Variants in LRRTM4 observed in about 807,000 individuals in gnomAD.
LRRTM4 encodes the protein leucine-rich repeat transmembrane neuronal protein 4.
A neutral mutation model predicts 47.6 loss-of-function variants in LRRTM4; 25 were observed. The observed-to-expected ratio is 0.53, with a 90% CI of 0.38 to 0.73. The LOEUF is 0.73. Ranked by LOEUF, LRRTM4 falls within the 30% of genes least tolerant of loss-of-function variation. LRRTM4 has a pLI of 0.00. For missense variants in LRRTM4, 638 were observed against 713.4 expected, an observed-to-expected ratio of 0.89 and a Z score of 1.20; for synonymous variants, 311 against 269.5, an observed-to-expected ratio of 1.15 and a Z score of -1.51.
intron 3 of LRRTM4, among the ~76,000 whole-genome samples, chr2:77,428,354 C>A (rs1038530270): frequency 2.6e-5 from 4 of 152,164 alleles, no homozygotes; most frequent in Non-Finnish European, 4.4e-5. Context: ...TTAACACACA[C>A]AAAAATCAGA....
chr2:77,367,292 T>A (rs1289820978), intron 3 of LRRTM4, among the ~76,000 whole-genome samples: 1 of 151,428 alleles, frequency 6.6e-6, no homozygotes, highest in Non-Finnish European at 1.5e-5. Flanking sequence ...TTGATTTTTT[T>A]AATGTCACTT....
intron 3 of LRRTM4, among the ~76,000 whole-genome samples, chr2:77,179,299 T>C (rs1056470165): frequency 1.3e-5 from 2 of 152,160 alleles, no homozygotes; most frequent in African/African-American, 2.4e-5. Flanking sequence ...CTAGGATCAC[T>C]CCATTTTAGG....
chr2:77,369,106 CT>C (rs1374691532), intron 3 of LRRTM4, among the ~76,000 whole-genome samples: 2 of 151,602 alleles, frequency 1.3e-5, no homozygotes, highest in Non-Finnish European at 3.0e-5. Flanking sequence ...TGTTGACCAC[CT>C]TTTTATGTAC....
intron 3 of LRRTM4, among the ~76,000 whole-genome samples, chr2:76,835,538 AAT>A (rs1671484868): frequency 6.6e-6 from 1 of 152,076 alleles, no homozygotes; most frequent in South Asian, 2.1e-4. Flanking sequence ...GAGTTGTAAT[AAT>A]ATATTCAGCT....
chr2:77,325,932 A>C (rs866941314), intron 3 of LRRTM4, among the ~76,000 whole-genome samples: 100 of 152,260 alleles, frequency 6.6e-4, no homozygotes, highest in African/African-American at 2.3e-3. Context: ...CAAGAAGGCT[A>C]CTCTTAGCTT....
In LRRTM4 at chr2:76,941,568, G is replaced by A. The variant is rs184539883; in HGVS notation, c.1552-192652C>T. Among the ~76,000 whole-genome samples, 510 of 149,074 alleles carry A rather than the reference G, an allele frequency of 3.4e-3. 6 individuals carry two copies. Among genetic ancestry groups the A allele is most frequent in the Non-Finnish European group, 2.4e-3 (161 of 67,538 alleles). The stretch of plus-strand genomic sequence containing the variant: ...TTATGAGTGAGAACATGCGATTTTT[G>A]GTTTTTTGTTCCTGTTTTAGTTTGT... On this transcript the variant is annotated intron_variant, in intron 3 of 3. Transcript: ENST00000409884.
chr2:77,062,955 CTTTT>C (rs10706500), intron 3 of LRRTM4, among the ~76,000 whole-genome samples: 3 of 108,370 alleles, frequency 2.8e-5, no homozygotes, highest in Non-Finnish European at 1.9e-5. Context: ...TTATTATTAT[CTTTT>C]TTTTTTTTTT....
intron 3 of LRRTM4, among the ~76,000 whole-genome samples, chr2:77,112,742 C>G (rs183823856): frequency 6.6e-6 from 1 of 152,022 alleles, no homozygotes; most frequent in Admixed American, 6.6e-5. Context: ...AAGGATCAGT[C>G]GAGCCAGTTT....
chr2:76,967,842 T>A (rs1219051607), intron 3 of LRRTM4, among the ~76,000 whole-genome samples: 1 of 151,528 alleles, frequency 6.6e-6, no homozygotes, highest in African/African-American at 2.4e-5. Context: ...AACTTGTAAA[T>A]ACTCATGCTA....
At chr2:77,007,282 AAG>A (rs1297445077) in intron 3 of LRRTM4, among the ~76,000 whole-genome samples, 1 of 152,110 alleles carries the variant, frequency 6.6e-6, no homozygotes, top group Non-Finnish European at 1.5e-5. Context: ...TGTGAGTAAA[AAG>A]AGGAAGCAAT....
At chr2:77,085,570 GA>G in intron 3 of LRRTM4, among the ~76,000 whole-genome samples, 1 of 151,886 alleles carries the variant, frequency 6.6e-6, no homozygotes, top group Non-Finnish European at 1.5e-5. Flanking sequence ...GTATTCTAGG[GA>G]AAAAATACTG....
At chr2:76,787,509 A>G (rs1172555354) in intron 3 of LRRTM4, among the ~76,000 whole-genome samples, 1 of 152,154 alleles carries the variant, frequency 6.6e-6, no homozygotes, top group African/African-American at 2.4e-5. Context: ...GTTCAGCTCA[A>G]AATGGAGAGT....
chr2:77,460,209 T>G (rs56771200), intron 3 of LRRTM4, among the ~76,000 whole-genome samples: 23,193 of 152,150 alleles, frequency 0.15, 1,818 homozygotes, highest in Admixed American at 0.2. Flanking sequence ...ATATCCCCCA[T>G]GTATTCAAGT....
intron 3 of LRRTM4, among the ~76,000 whole-genome samples, chr2:77,323,847 A>G (rs1405127096): frequency 6.6e-6 from 1 of 152,138 alleles, no homozygotes; most frequent in Non-Finnish European, 1.5e-5. Flanking sequence ...TAACTTCAGT[A>G]GTTCTTAATT....
chr2:76,764,736 C>A (rs181751830), intron 3 of LRRTM4, among the ~76,000 whole-genome samples: 1 of 152,176 alleles, frequency 6.6e-6, no homozygotes, highest in Non-Finnish European at 1.5e-5. Context: ...GACTGCTGAA[C>A]TTCTTGGATC....
At chr2:76,815,875 CT>C (rs1225424610) in intron 3 of LRRTM4, among the ~76,000 whole-genome samples, 1 of 152,010 alleles carries the variant, frequency 6.6e-6, no homozygotes, top group African/African-American at 2.4e-5. Flanking sequence ...CCACCAATAA[CT>C]GGGGGGTGGG....
intron 3 of LRRTM4, among the ~76,000 whole-genome samples, chr2:77,298,016 G>A (rs988671503): frequency 6.6e-6 from 1 of 152,148 alleles, no homozygotes; most frequent in African/African-American, 2.4e-5. Context: ...CATGATGGAT[G>A]AGCATGTGAT....
chr2:76,809,370 A>G (rs770627844), intron 3 of LRRTM4, among the ~76,000 whole-genome samples: 1 of 152,062 alleles, frequency 6.6e-6, no homozygotes, highest in African/African-American at 2.4e-5. Flanking sequence ...CCCCCTCCCC[A>G]GTGTTCCCTT....
At chr2:76,915,138 C>T (rs1674200261) in intron 3 of LRRTM4, among the ~76,000 whole-genome samples, 2 of 152,086 alleles carry the variant, frequency 1.3e-5, no homozygotes, top group African/African-American at 4.8e-5. Context: ...AAAATATTTG[C>T]TTTGGGAATA....
Sources: gnomAD v4.1 joint callset for allele counts (sites outside exome capture counted in the v4.1 genomes callset) on GRCh38, gnomAD v4.1.1 for gene constraint, MANE v1.5 for transcripts, NCBI Gene and HGNC (gene_info 2026-07-23, HGNC 2026-07-21) for gene names.